RGS9: variants seen among roughly 807,000 people sequenced by gnomAD.
RGS9 encodes regulator of G protein signaling 9, also known as regulator of G-protein signalling 9.
A neutral mutation model predicts 102.0 loss-of-function variants in RGS9; 78 were observed. The observed-to-expected ratio is 0.76, with a 90% confidence interval of 0.64 to 0.92. The LOEUF is 0.92. Among genes scored for constraint, RGS9 ranks in the 40% least tolerant of loss-of-function variants. The pLI, the probability that RGS9 is intolerant of heterozygous loss-of-function variation, is 0.00. For synonymous variants in RGS9, 353 were observed against 318.6 expected, an observed-to-expected ratio of 1.11 and a Z score of -1.15; for missense variants, 833 against 866.1, an observed-to-expected ratio of 0.96 and a Z score of 0.48.
chr17:65,177,688 A>T, intron 8 of RGS9, 44 bp from the exon 9 acceptor site: 15 of 1,561,738 alleles, frequency 9.6e-6, no homozygotes, highest in Non-Finnish European at 1.1e-5. Context: ...CAGAAACTGG[A>T]GACTCTCCCT....
chr17:65,192,652 T>G (rs1598603886), intron 11 of RGS9, among the ~76,000 whole-genome samples: 1 of 151,650 alleles, frequency 6.6e-6, no homozygotes. Flanking sequence ...AGCTAGATAG[T>G]GTTCTGTAGC....
chr17:65,170,401 A>G (rs1487443510), intron 8 of RGS9, among the ~76,000 whole-genome samples: 3 of 152,080 alleles, frequency 2.0e-5, no homozygotes, highest in African/African-American at 7.2e-5. Context: ...GGAAGGGTTT[A>G]TTATTATTCT....
chr17:65,216,482 C>CA (rs1180058640), intron 17 of RGS9, among the ~76,000 whole-genome samples: 3 of 152,100 alleles, frequency 2.0e-5, no homozygotes, highest in Non-Finnish European at 4.4e-5. Flanking sequence ...ACTAAAAATA[C>CA]AAAAATTAGC....
At chr17:65,175,262 A>G (rs1911582692) in intron 8 of RGS9, among the ~76,000 whole-genome samples, 2 of 151,510 alleles carry the variant, frequency 1.3e-5, no homozygotes, top group South Asian at 4.2e-4. Context: ...TGTATGTATG[A>G]GAGTGTGTGG....
chr17:65,158,023 T>A (rs552180331), intron 2 of RGS9, among the ~76,000 whole-genome samples: 1 of 152,150 alleles, frequency 6.6e-6, no homozygotes, highest in African/African-American at 2.4e-5. Context: ...CAACAAGAGA[T>A]GTAAAGATGA....
intron 2 of RGS9, among the ~76,000 whole-genome samples, chr17:65,157,314 C>G (rs1412821681): frequency 1.3e-5 from 2 of 151,958 alleles, no homozygotes; most frequent in Non-Finnish European, 2.9e-5. Context: ...CCTTGTCTAT[C>G]TTCTGAGATG....
rs765057611 is a variant in RGS9, at chr17:65,158,340, G to GTC, written c.202_203dup (p.Glu69TrpfsTer80). ...ATCGTCCAGCGGCTTTGGATCTCCA[G>GTC]TCTGGGTGAGAGCTCATCTGGCACT... On this transcript the variant is annotated frameshift_variant, in exon 3 of 19. Transcript: ENST00000262406. LOFTEE classifies it high-confidence loss of function. The GTC allele has an allele frequency of 6.2e-7, 1 of 1,614,116 alleles. No homozygotes were observed. Among genetic ancestry groups the GTC allele is most frequent in the Non-Finnish European group, 8.5e-7 (1 of 1,179,980 alleles).
At chr17:65,151,723 CTT>C (rs1336851872) in intron 1 of RGS9, among the ~76,000 whole-genome samples, 2 of 152,224 alleles carry the variant, frequency 1.3e-5, no homozygotes, top group East Asian at 3.8e-4. Context: ...TAACTCTGGT[CTT>C]ATAAGTTATA....
At chr17:65,168,351 A>G in intron 8 of RGS9, 70 bp downstream of exon 8, 3 of 1,056,438 alleles carry the variant, frequency 2.8e-6, no homozygotes, top group Non-Finnish European at 4.3e-6. Flanking sequence ...TGCTCTCCAT[A>G]CCTGTTGCCA....
In RGS9 at chr17:65,227,635, G is replaced by C; in HGVS notation, c.*228G>C. 2 of 587,606 alleles carry C rather than the reference G, an allele frequency of 3.4e-6. No individual in the cohort carries two copies. The highest frequency in any genetic ancestry group is 3.0e-6 in the Non-Finnish European group (1 of 330,574). 36.4% of individuals were successfully genotyped at this position (587,606 alleles called of 1,614,324 possible). A position where few individuals can be genotyped will look rare whatever the true frequency, so the allele number is the denominator to read the frequency against. ...CCTCCCTCCCCTGGGCAGAAGAAAC[G>C]CATGTGGACCAGAAGACTTTCCCTG... On this transcript the variant is annotated 3_prime_UTR_variant, in exon 19 of 19. Transcript: ENST00000262406.
At chr17:65,220,047 C>A (rs55948632) in intron 17 of RGS9, among the ~76,000 whole-genome samples, 28,930 of 151,526 alleles carry the variant, frequency 0.19, 3,978 homozygotes, top group African/African-American at 0.39. Flanking sequence ...CCATCATCAC[C>A]ATATCATTAT....
At chr17:65,189,210 T>C in intron 9 of RGS9, 76 bp from the exon 10 acceptor site, 2 of 1,308,394 alleles carry the variant, frequency 1.5e-6, no homozygotes, top group Non-Finnish European at 2.2e-6. Flanking sequence ...GGAAGGATTT[T>C]TATTTTTCAA....
chr17:65,226,184 G>A (rs1905668284), intron 18 of RGS9, among the ~76,000 whole-genome samples: 4 of 152,222 alleles, frequency 2.6e-5, no homozygotes, highest in Admixed American at 2.0e-4. Flanking sequence ...GCCTGGATCA[G>A]AGCAGAAAGA....
At chr17:65,204,898 A>T (rs1023507553) in intron 15 of RGS9, among the ~76,000 whole-genome samples, 1 of 152,210 alleles carries the variant, frequency 6.6e-6, no homozygotes, top group Non-Finnish European at 1.5e-5. Flanking sequence ...GCTGGGATTC[A>T]TAGCCAGGTC....
At chr17:65,167,933 C>G (rs1431029921) in intron 7 of RGS9, among the ~76,000 whole-genome samples, 1 of 152,166 alleles carries the variant, frequency 6.6e-6, no homozygotes, top group Non-Finnish European at 1.5e-5. Context: ...TTCACCCCCT[C>G]TTCATTTCAG....
intron 2 of RGS9, among the ~76,000 whole-genome samples, chr17:65,156,050 G>T (rs891054167): frequency 1.3e-5 from 2 of 151,994 alleles, no homozygotes; most frequent in African/African-American, 4.8e-5. Flanking sequence ...TTGAGACAGG[G>T]TCTTTCTCTG....
intron 11 of RGS9, 114 bp downstream of exon 11, chr17:65,190,350 T>C: frequency 1.1e-6 from 1 of 874,288 alleles, no homozygotes; most frequent in Non-Finnish European, 2.0e-6. Context: ...AGCAGAACTG[T>C]GAGGGACAAA....
Position 65,215,406 on chromosome 17 carries a change from C to T in RGS9, c.1407+4801C>T, listed in dbSNP as rs536471502. Among the ~76,000 whole-genome samples the T allele has an allele frequency of 3.7e-4, 56 of 152,254 alleles. 1 individual carries two copies. The South Asian group carries it at 0.011, about 30-fold the overall frequency. Reference sequence around the variant, plus strand: ...GGGAGGCACCAGGGAGGTTTGGAGTCCCAGACGAAAATGTGTACACCATTC... The same window carrying T: ...GGGAGGCACCAGGGAGGTTTGGAGTTCCAGACGAAAATGTGTACACCATTC... On this transcript the variant is annotated intron_variant, in intron 17 of 18. Coordinates refer to ENST00000262406, the MANE Select transcript of RGS9 (RefSeq NM_003835.4).
intron 17 of RGS9, among the ~76,000 whole-genome samples, chr17:65,215,544 C>CTTTCT (rs1555617668): frequency 9.5e-6 from 1 of 105,144 alleles, no homozygotes; most frequent in Admixed American, 9.0e-5. Flanking sequence ...TTCTTTCTTT[C>CTTTCT]TTTTTTTTTG....
Sources: gnomAD v4.1 joint callset for allele counts (sites outside exome capture counted in the v4.1 genomes callset) on GRCh38, gnomAD v4.1.1 for gene constraint, MANE v1.5 for transcripts, NCBI Gene and HGNC (gene_info 2026-07-23, HGNC 2026-07-21) for gene names.